MTUS1: variants seen among roughly 807,000 people sequenced by gnomAD.
MTUS1 encodes the protein microtubule-associated tumor suppressor 1.
In MTUS1, 109 loss-of-function variants were observed where a neutral mutation model predicts 120.8. The observed-to-expected ratio is 0.90, with a 90% confidence interval of 0.77 to 1.06. MTUS1 has a LOEUF of 1.06. Ranked by LOEUF, MTUS1 falls within the 50% of genes least tolerant of loss-of-function variation. The probability of loss-of-function intolerance (pLI) is 0.00; values close to 1 mark genes in which losing one functional copy is unlikely to be tolerated. For missense variants in MTUS1, 2,210 were observed against 1,486.3 expected (o/e 1.49, Z -8.01); for synonymous variants, 737 against 550.5 (o/e 1.34, Z -4.74).
chr8:17,715,925 T>C (rs1822237854), intron 4 of MTUS1, 24 bp from the exon 5 acceptor site: 14 of 1,600,654 alleles, frequency 8.7e-6, no homozygotes, highest in Non-Finnish European at 1.1e-5. Flanking sequence ...GAAAAGTACA[T>C]TTTATTGTAT....
chr8:17,716,361 G>A (rs573667194), intron 4 of MTUS1: 1 of 153,636 alleles, frequency 6.5e-6, no homozygotes, highest in Admixed American at 6.5e-5. Context: ...TCAAATCCTT[G>A]CTCCTACAGC....
chr8:17,662,347 C>CTTTTTT (rs1321766696), intron 8 of MTUS1, among the ~76,000 whole-genome samples: 8 of 121,564 alleles, frequency 6.6e-5, no homozygotes, highest in South Asian at 2.8e-4. Flanking sequence ...CTTTTTGTCC[C>CTTTTTT]TATTTTTTTT....
Position 17,755,284 on chromosome 8 carries a change from T to A in MTUS1, c.524A>T (p.His175Leu), listed in dbSNP as rs780896740. Residue 175 changes from histidine (H) to leucine (L), a missense_variant, in exon 2 of 15, where the codon CAT becomes CTT. By Grantham distance (99) the His-to-Leu change is moderately conservative (BLOSUM62 -3). Coordinates refer to ENST00000693296, the MANE Select transcript of MTUS1 (RefSeq NM_001363059.2). Reference protein sequence around the residue: ...VDKVNCTFISHHAIGKSQSFH... With the variant: ...VDKVNCTFISLHAIGKSQSFH... ...GGACTGACTCTTTCCGATGGCATGATGTGATATAAAGGTGCAGTTAACTTT... is the reference window on the plus strand; with the variant it reads ...GGACTGACTCTTTCCGATGGCATGAAGTGATATAAAGGTGCAGTTAACTTT... 2 of 1,614,252 alleles carry A rather than the reference T, an allele frequency of 1.2e-6. No individual in the cohort carries two copies. The highest frequency in any genetic ancestry group is 1.7e-6 in the Non-Finnish European group (2 of 1,180,038).
intron 1 of MTUS1, among the ~76,000 whole-genome samples, chr8:17,798,923 C>T (rs1170590058): frequency 6.6e-6 from 1 of 151,964 alleles, no homozygotes; most frequent in Non-Finnish European, 1.5e-5. Context: ...AAATGGAAAA[C>T]AACTAGATTT....
Position 17,668,853 on chromosome 8 carries a change from G to A in MTUS1, c.2905+6333C>T, listed in dbSNP as rs73668811. Among the ~76,000 whole-genome samples, 321 of 152,252 alleles carry A rather than the reference G, an allele frequency of 2.1e-3. 1 individual carries two copies. Among genetic ancestry groups the A allele is most frequent in the African/African-American group, 7.2e-3 (299 of 41,550 alleles). The stretch of plus-strand genomic sequence containing the variant: ...GCCCTCCACCCTCAGGCAGGCCCCA[G>A]TGTCTGCTGTTCCCCTCTTTGTGTC... On this transcript the variant is annotated intron_variant, in intron 8 of 14. Transcript: ENST00000693296.
intron 1 of MTUS1, among the ~76,000 whole-genome samples, chr8:17,759,675 A>G (rs895643786): frequency 4.0e-5 from 6 of 149,102 alleles, no homozygotes; most frequent in African/African-American, 1.5e-4. Context: ...TATATATTAT[A>G]TACTGAGTTT....
At chr8:17,784,412 C>G (rs1481010081) in intron 1 of MTUS1, among the ~76,000 whole-genome samples, 2 of 151,508 alleles carry the variant, frequency 1.3e-5, no homozygotes, top group African/African-American at 2.4e-5. Context: ...TCTCCAGCCT[C>G]AGCCTCTCAG....
intron 1 of MTUS1, among the ~76,000 whole-genome samples, chr8:17,779,905 G>C (rs1282782650): frequency 6.6e-6 from 1 of 152,136 alleles, no homozygotes; most frequent in Non-Finnish European, 1.5e-5. Context: ...AAAGCTCCAG[G>C]TTTGAATTCT....
Position 17,755,378 on chromosome 8 carries a change from CA to C in MTUS1, c.429del (p.Asn143LysfsTer4), listed in dbSNP as rs1432483204. ...CAGTAGCCTGCACAGTTCAAATTGTCATTAGGCTTCCACACAAAAGGCAAAG... is the reference window on the plus strand; with the variant it reads ...CAGTAGCCTGCACAGTTCAAATTGTCTTAGGCTTCCACACAAAAGGCAAAG... Reference protein sequence around the residue: ...EPSLPFVWKPNDNLNCAGYCD... With the variant: ...EPSLPFVWKPXDNLNCAGYCD... On this transcript the variant is annotated frameshift_variant, in exon 2 of 15. Coordinates refer to ENST00000693296, the MANE Select transcript of MTUS1 (RefSeq NM_001363059.2). LOFTEE classifies it high-confidence loss of function. 6.2e-7 allele frequency: 1 copy of C among 1,614,070 alleles called. No individual in the cohort carries two copies. Among genetic ancestry groups the C allele is most frequent in the Non-Finnish European group, 8.5e-7 (1 of 1,180,022 alleles).
chr8:17,705,439 A>G (rs922738966), intron 6 of MTUS1, among the ~76,000 whole-genome samples: 27 of 152,194 alleles, frequency 1.8e-4, no homozygotes, highest in African/African-American at 6.0e-4. Context: ...TACTTTGTAT[A>G]TATGTGAAAA....
At chr8:17,723,606 G>A in intron 4 of MTUS1, 66 bp downstream of exon 4, 1 of 1,492,296 alleles carries the variant, frequency 6.7e-7, no homozygotes. Context: ...ATTATTTGCA[G>A]AGCATTAGTT....
intron 4 of MTUS1, among the ~76,000 whole-genome samples, chr8:17,717,088 C>T (rs1743332702): frequency 6.6e-6 from 1 of 152,194 alleles, no homozygotes; most frequent in Non-Finnish European, 1.5e-5. Context: ...ATACACATCA[C>T]ATTCAAACTT....
chr8:17,728,750 G>A (rs1320859431), intron 3 of MTUS1, among the ~76,000 whole-genome samples: 1 of 144,104 alleles, frequency 6.9e-6, no homozygotes, highest in Non-Finnish European at 1.5e-5. Flanking sequence ...GACCTTAAAT[G>A]TTAGGGATGG....
At chr8:17,772,532 T>A (rs1170564372) in intron 1 of MTUS1, among the ~76,000 whole-genome samples, 1 of 152,204 alleles carries the variant, frequency 6.6e-6, no homozygotes, top group Non-Finnish European at 1.5e-5. Flanking sequence ...TCTACTGATG[T>A]CATACCAAGG....
rs146281004 is a variant in MTUS1, at chr8:17,731,334, T to C, written c.2288-7501A>G. 7.7e-3 allele frequency among the ~76,000 whole-genome samples: 1,174 copies of C among 152,302 alleles called. 12 individuals are homozygous for C. The highest frequency in any genetic ancestry group is 0.027 in the African/African-American group (1,134 of 41,552). On this transcript the variant is annotated intron_variant, in intron 3 of 14. Transcript: ENST00000693296. ...CAGGTTCCTCACCGTTCTGCACTTC[T>C]GTTTTCTCATATGTGAGAATGGGGG...
intron 4 of MTUS1, among the ~76,000 whole-genome samples, chr8:17,720,757 T>C (rs979186332): frequency 1.3e-5 from 2 of 152,210 alleles, no homozygotes; most frequent in Non-Finnish European, 2.9e-5. Flanking sequence ...TTAATGATCT[T>C]AAAAACTGGA....
rs776204236 is a variant in MTUS1, at chr8:17,753,945, A to G, written c.1863T>C (p.Ser621=). Reference sequence around the variant, plus strand: ...CGGACCCGGTCTCGCATGCTGAGTTAGAAGAACTGGCTTTGTCAACATCTT... The same window carrying G: ...CGGACCCGGTCTCGCATGCTGAGTTGGAAGAACTGGCTTTGTCAACATCTT... ...NQEDVDKASS[S]NSACETGSVS... Residue 621 remains serine, a synonymous_variant, in exon 2 of 15, where the codon TCT becomes TCC. Coordinates refer to ENST00000693296, the MANE Select transcript of MTUS1 (RefSeq NM_001363059.2). 6.6e-5 allele frequency: 107 copies of G among 1,614,036 alleles called. No homozygotes were observed. Among genetic ancestry groups the G allele is most frequent in the Non-Finnish European group, 1.2e-5 (14 of 1,180,044 alleles).
At chr8:17,650,183 A>G (rs1806686566) in intron 12 of MTUS1, among the ~76,000 whole-genome samples, 1 of 152,238 alleles carries the variant, frequency 6.6e-6, no homozygotes, top group Non-Finnish European at 1.5e-5. Context: ...CAGTAACTTA[A>G]TATGCAAAAA....
At chr8:17,728,354 C>T (rs1001892359) in intron 3 of MTUS1, among the ~76,000 whole-genome samples, 5 of 152,162 alleles carry the variant, frequency 3.3e-5, no homozygotes, top group East Asian at 1.9e-4. Context: ...AGCCACTTGC[C>T]GTGGCCTCCC....
Sources: allele counts gnomAD v4.1 joint callset (sites outside exome capture counted in the v4.1 genomes callset), GRCh38; gene constraint gnomAD v4.1.1; transcripts MANE v1.5; gene names NCBI Gene and HGNC (gene_info 2026-07-23, HGNC 2026-07-21).